Variants in GPC6 observed in about 807,000 individuals in gnomAD.
GPC6 encodes glypican 6.
GPC6 carries 14 observed loss-of-function variants against 55.2 expected under a neutral mutation model. That is an observed-to-expected ratio of 0.25 (90% confidence interval 0.17 to 0.40). The LOEUF is 0.40. Among genes scored for constraint, GPC6 ranks in the 10% least tolerant of loss-of-function variants. The pLI is 1.00. For synonymous variants in GPC6, 278 were observed against 259.6 expected, an observed-to-expected ratio of 1.07 and a Z score of -0.68; for missense variants, 641 against 708.5, an observed-to-expected ratio of 0.90 and a Z score of 1.08.
chr13:93,261,557 A>G (rs749070702), intron 1 of GPC6, among the ~76,000 whole-genome samples: 11 of 152,178 alleles, frequency 7.2e-5, no homozygotes, highest in Non-Finnish European at 1.3e-4. Flanking sequence ...CTTTTAGATA[A>G]ATATATTTTG....
chr13:94,325,856 A>G (rs1297471100), intron 6 of GPC6, among the ~76,000 whole-genome samples: 1 of 152,212 alleles, frequency 6.6e-6, no homozygotes, highest in East Asian at 1.9e-4. Flanking sequence ...TTGGGTAAGC[A>G]GAGCAAGACG....
At chr13:93,841,639 A>G (rs563689002) in intron 3 of GPC6, among the ~76,000 whole-genome samples, 36 of 152,314 alleles carry the variant, frequency 2.4e-4, no homozygotes, top group African/African-American at 7.7e-4. Flanking sequence ...CGTAAGTAAA[A>G]CTATAGCCGA....
intron 4 of GPC6, among the ~76,000 whole-genome samples, chr13:94,217,878 C>T (rs1890268612): frequency 6.6e-6 from 1 of 151,558 alleles, no homozygotes; most frequent in African/African-American, 2.4e-5. Flanking sequence ...GGACATGATA[C>T]AACTTACCTT....
chr13:93,533,396 T>A (rs970357093), intron 1 of GPC6, among the ~76,000 whole-genome samples: 62 of 152,232 alleles, frequency 4.1e-4, no homozygotes, highest in African/African-American at 1.5e-3. Flanking sequence ...TTCCTTAACA[T>A]CCTTGGCACC....
At chr13:93,834,575 A>AGTGT (rs145637968) in intron 3 of GPC6, among the ~76,000 whole-genome samples, 290 of 150,244 alleles carry the variant, frequency 1.9e-3, no homozygotes, top group African/African-American at 6.5e-3. Context: ...GTGCTTGAGG[A>AGTGT]GTGTGTGTGT....
chr13:93,529,130 AG>A (rs1308201166), intron 1 of GPC6, among the ~76,000 whole-genome samples: 30 of 152,212 alleles, frequency 2.0e-4, no homozygotes, highest in Admixed American at 2.0e-3. Flanking sequence ...AATATATACA[AG>A]AAATATTTTT....
At chr13:93,944,750 C>A (rs80331160) in intron 3 of GPC6, among the ~76,000 whole-genome samples, 4,195 of 152,208 alleles carry the variant, frequency 0.028, 210 homozygotes, top group African/African-American at 0.095. Flanking sequence ...ATGGTAAATT[C>A]TTTGCACATT....
chr13:93,675,411 C>A (rs1881549977), intron 2 of GPC6, among the ~76,000 whole-genome samples: 1 of 151,866 alleles, frequency 6.6e-6, no homozygotes, highest in South Asian at 2.1e-4. Flanking sequence ...TATATTTATA[C>A]ATCCTCCACA....
intron 6 of GPC6, among the ~76,000 whole-genome samples, chr13:94,367,009 C>T (rs1879316585): frequency 1.3e-5 from 2 of 152,168 alleles, no homozygotes; most frequent in South Asian, 4.1e-4. Flanking sequence ...AAGCCCTGTT[C>T]ATAAAGACCC....
chr13:93,752,412 T>A (rs968731256), intron 2 of GPC6, among the ~76,000 whole-genome samples: 1 of 150,416 alleles, frequency 6.6e-6, no homozygotes, highest in Non-Finnish European at 1.5e-5. Context: ...ACACAAGAGA[T>A]GAACTGTTGC....
At chr13:93,354,349 A>T (rs1272815583) in intron 1 of GPC6, among the ~76,000 whole-genome samples, 6 of 115,788 alleles carry the variant, frequency 5.2e-5, no homozygotes, top group East Asian at 6.4e-4. Flanking sequence ...CCGTTGGTAG[A>T]TTTTTTTTTT....
At chr13:93,935,793 C>T (rs535504384) in intron 3 of GPC6, among the ~76,000 whole-genome samples, 1 of 152,096 alleles carries the variant, frequency 6.6e-6, no homozygotes. Context: ...ACATTTCATA[C>T]CCCTCAGGCA....
intron 1 of GPC6, among the ~76,000 whole-genome samples, chr13:93,413,861 G>A (rs1349588335): frequency 6.6e-6 from 1 of 152,052 alleles, no homozygotes; most frequent in Non-Finnish European, 1.5e-5. Flanking sequence ...CACTTAAAAG[G>A]GGGAAAATGC....
chr13:93,929,990 C>T (rs547371720), intron 3 of GPC6, among the ~76,000 whole-genome samples: 12 of 152,066 alleles, frequency 7.9e-5, no homozygotes, highest in East Asian at 5.8e-4. Flanking sequence ...AGTAAGTTTA[C>T]GGAGATTCAT....
intron 4 of GPC6, among the ~76,000 whole-genome samples, chr13:94,052,808 T>A (rs527356870): frequency 6.6e-6 from 1 of 152,276 alleles, no homozygotes; most frequent in East Asian, 1.9e-4. Flanking sequence ...GAGCCCCTTA[T>A]TAAAGGTCCT....
intron 1 of GPC6, among the ~76,000 whole-genome samples, chr13:93,531,145 A>G (rs1727000766): frequency 6.6e-6 from 1 of 152,122 alleles, no homozygotes; most frequent in South Asian, 2.1e-4. Context: ...TGACAGAGCT[A>G]GTGCAGAGGT....
At chr13:94,153,342 A>C (rs142929021) in intron 4 of GPC6, among the ~76,000 whole-genome samples, 26 of 152,306 alleles carry the variant, frequency 1.7e-4, no homozygotes, top group African/African-American at 5.3e-4. Context: ...CAAATACTTA[A>C]AAGGCCAAAG....
intron 4 of GPC6, among the ~76,000 whole-genome samples, chr13:94,133,267 C>CAAAAAAAAAAAAAAAAAAAAA (rs66499161): frequency 1.2e-5 from 1 of 85,102 alleles, no homozygotes; most frequent in Non-Finnish European, 2.1e-5. Context: ...TGACCAGTGA[C>CAAAAAAAAAAAAAAAAAAAAA]AAAAAAAAAA....
At chr13:93,490,264 A>C (rs1879915326) in intron 1 of GPC6, among the ~76,000 whole-genome samples, 1 of 151,418 alleles carries the variant, frequency 6.6e-6, no homozygotes, top group South Asian at 2.1e-4. Context: ...ACCAAATTAA[A>C]ATTAAATTGT....
Sources: allele counts gnomAD v4.1 joint callset (sites outside exome capture counted in the v4.1 genomes callset), GRCh38; gene constraint gnomAD v4.1.1; transcripts MANE v1.5; gene names NCBI Gene and HGNC (gene_info 2026-07-23, HGNC 2026-07-21).